Variants in PFKFB3 observed in about 807,000 individuals in gnomAD.
PFKFB3 encodes 6-phosphofructo-2-kinase/fructose-2,6-biphosphatase 3, also known as 6-phosphofructo-2-kinase/fructose-2,6-bisphosphatase 3.
A neutral mutation model predicts 68.0 loss-of-function variants in PFKFB3; 33 were observed. That is an observed-to-expected ratio of 0.49 (90% CI 0.37 to 0.65). The LOEUF is 0.65. Among genes scored for constraint, PFKFB3 ranks in the 30% least tolerant of loss-of-function variants. PFKFB3 has a pLI of 0.00. For missense variants in PFKFB3, 586 were observed against 712.2 expected, an observed-to-expected ratio of 0.82 and a Z score of 2.02; for synonymous variants, 315 against 288.2, an observed-to-expected ratio of 1.09 and a Z score of -0.94.
chr10:6,190,719 G>C (rs1843000193), intron 1 of PFKFB3, among the ~76,000 whole-genome samples: 1 of 152,158 alleles, frequency 6.6e-6, no homozygotes. Flanking sequence ...TGTGTTTCTT[G>C]ATATATCCAC....
chr10:6,254,100 T>C (rs1846446146), intron 14 of PFKFB3: 1 of 31,396 alleles, frequency 3.2e-5, no homozygotes, highest in Admixed American at 7.4e-4. Flanking sequence ...CAGATGGCTT[T>C]TTTTTTTTTT....
At chr10:6,163,384 ACC>A (rs1299957962) in intron 1 of PFKFB3, among the ~76,000 whole-genome samples, 1 of 152,068 alleles carries the variant, frequency 6.6e-6, no homozygotes, top group Non-Finnish European at 1.5e-5. Flanking sequence ...TTTTAAGGTA[ACC>A]CCCCACAACC....
At chr10:6,178,947 C>G (rs548704552) in intron 1 of PFKFB3, among the ~76,000 whole-genome samples, 1 of 152,216 alleles carries the variant, frequency 6.6e-6, no homozygotes, top group East Asian at 1.9e-4. Context: ...CTCCCCAGCA[C>G]GGGGTCCTCC....
At chr10:6,216,838 G>C in intron 5 of PFKFB3, 58 bp downstream of exon 5, 1 of 1,240,068 alleles carries the variant, frequency 8.1e-7, no homozygotes, top group Non-Finnish European at 1.2e-6. Flanking sequence ...AAGGCTTCAG[G>C]AAGCGGCCTG....
At chr10:6,239,900 C>T (rs1846102019), downstream of PFKFB3, among the ~76,000 whole-genome samples, 1 of 152,118 alleles carries the variant, frequency 6.6e-6, no homozygotes, top group South Asian at 2.1e-4. Context: ...TCTCGAACTC[C>T]TGGACTCAAG....
downstream of PFKFB3, among the ~76,000 whole-genome samples, chr10:6,238,409 C>T (rs1846067809): frequency 6.7e-6 from 1 of 149,086 alleles, no homozygotes; most frequent in South Asian, 2.1e-4. Context: ...GGGTGATCTA[C>T]CTGCCTTGGC....
the PFKFB3 span, among the ~76,000 whole-genome samples, chr10:6,280,134 C>T: frequency 6.6e-6 from 1 of 152,226 alleles, no homozygotes; most frequent in Admixed American, 6.5e-5. Context: ...GAGACATTCT[C>T]TTCATCAATC....
At position 6,232,881 on chromosome 10, in the gene PFKFB3, TC is replaced by T. The variant is rs1564222112; in HGVS notation, c.1516-13del. The T allele has an allele frequency of 5.0e-6, 8 of 1,610,752 alleles. No homozygotes were observed. Among genetic ancestry groups the T allele is most frequent in the Non-Finnish European group, 6.8e-6 (8 of 1,177,744 alleles). On this transcript the variant is annotated splice_polypyrimidine_tract_variant and intron_variant, in intron 14 of 14. Transcript: ENST00000379775. ...CCTAACTCCCTCCCCACCTCTCTTTTCTCCTGAAAACAGAACATGAAAGGCT... is the reference window on the plus strand; with the variant it reads ...CCTAACTCCCTCCCCACCTCTCTTTTTCCTGAAAACAGAACATGAAAGGCT...
At chr10:6,225,153 G>A (rs750872079) in intron 13 of PFKFB3, 13 of 456,306 alleles carry the variant, frequency 2.8e-5, no homozygotes, top group Middle Eastern at 3.3e-4. Flanking sequence ...TGAATTCACC[G>A]TGTACAGGCT....
intron 1 of PFKFB3, among the ~76,000 whole-genome samples, chr10:6,162,747 C>T (rs528814537): frequency 1.2e-3 from 179 of 152,262 alleles, no homozygotes; most frequent in African/African-American, 3.8e-3. Context: ...CTTGACACGC[C>T]CCCTTCAGCT....
chr10:6,225,606 A>T (rs796862965), intron 13 of PFKFB3, among the ~76,000 whole-genome samples: 7 of 152,294 alleles, frequency 4.6e-5, no homozygotes, highest in African/African-American at 1.7e-4. Flanking sequence ...CTCTCATGGG[A>T]GGGCTGTGTC....
chr10:6,233,665 C>G lies in PFKFB3; in HGVS notation c.*723C>G, dbSNP rs891965639. On this transcript the variant is annotated 3_prime_UTR_variant, in exon 15 of 15. Transcript: ENST00000379775. ...GAAATATGAGAACTGGGGCCTCCTG[C>G]TCCCAGGGAGCTCCAGGGCCCCTCT... The G allele has an allele frequency of 6.5e-6, 1 of 152,866 alleles. No individual in the cohort carries two copies. The highest frequency in any genetic ancestry group is 2.1e-4 in the South Asian group (1 of 4,840). The allele number at this position is 152,866 out of a possible 1,614,324, so 9.5% of individuals were successfully genotyped here.
In PFKFB3 at chr10:6,213,741, C is replaced by T; in HGVS notation, c.195C>T (p.Pro65=). ...LTRYLNWIGV[P]TKVFNVGEYR... is the part of the protein sequence containing the mutation. ...GCTACCTCAACTGGATTGGCGTCCC[C>T]ACAAAAGGTGAGACTGGGTCTCGAG... is the stretch of plus-strand genomic sequence containing the variant. Residue 65 remains proline, a synonymous_variant, in exon 2 of 15, where the codon CCC becomes CCT. Transcript: ENST00000379775. 1 of 1,612,372 alleles carries T rather than the reference C, an allele frequency of 6.2e-7. No individual in the cohort carries two copies. Among genetic ancestry groups the T allele is most frequent in the Non-Finnish European group, 8.5e-7 (1 of 1,179,322 alleles).
chr10:6,204,549 C>A (rs1408838871), intron 1 of PFKFB3, among the ~76,000 whole-genome samples: 1 of 152,246 alleles, frequency 6.6e-6, no homozygotes, highest in Non-Finnish European at 1.5e-5. Flanking sequence ...TGGGTGGGGA[C>A]GTCAGCAGAT....
At position 6,177,372 on chromosome 10, in the gene PFKFB3, C is replaced by CTT. The variant is rs886351542; in HGVS notation, c.16+32361_16+32362dup. Among the ~76,000 whole-genome samples, 9 of 106,282 alleles carry CTT rather than the reference C, an allele frequency of 8.5e-5. No homozygotes were observed. In the East Asian group the frequency reaches 1.6e-3, roughly 19 times the overall value. The allele number at this position is 106,282 out of a possible 152,430, so 69.7% of individuals were successfully genotyped here. On this transcript the variant is annotated intron_variant, in intron 1 of 14. Transcript: ENST00000379789. ...TTCTTTTCTCTTTCTTTCTTTCTTT[C>CTT]TTTCTTTCTTTCTTTCTTTCTTTCT...
intron 1 of PFKFB3, among the ~76,000 whole-genome samples, chr10:6,177,974 C>G (rs991652363): frequency 1.3e-5 from 2 of 152,108 alleles, no homozygotes; most frequent in African/African-American, 4.8e-5. Context: ...ACCTGAGGTG[C>G]ACACGTGAGG....
At chr10:6,180,538 C>G (rs1490990415) in intron 1 of PFKFB3, among the ~76,000 whole-genome samples, 2 of 152,190 alleles carry the variant, frequency 1.3e-5, no homozygotes, top group African/African-American at 4.8e-5. Flanking sequence ...AGCCGTGGCT[C>G]ACTGCAGCCT....
chr10:6,292,309 G>A, the PFKFB3 span, among the ~76,000 whole-genome samples: 1 of 98,456 alleles, frequency 1.0e-5, no homozygotes, highest in African/African-American at 4.1e-5. Context: ...TTTTGAGACA[G>A]AGTCTCACTC....
At chr10:6,201,829 G>T (rs1039640780), upstream of PFKFB3, among the ~76,000 whole-genome samples, 1 of 152,206 alleles carries the variant, frequency 6.6e-6, no homozygotes, top group Non-Finnish European at 1.5e-5. This position sits in a 1 kb window ranked among gnomAD's most constrained non-coding sequence, Gnocchi z 4.1. Flanking sequence ...CGCGGGCGGC[G>T]GTTCCCCACC....
Sources: gnomAD v4.1 joint callset for allele counts (sites outside exome capture counted in the v4.1 genomes callset) on GRCh38, gnomAD v4.1.1 for gene constraint, Gnocchi (gnomAD v3.1) non-coding constraint, MANE v1.5 for transcripts, NCBI Gene and HGNC (gene_info 2026-07-23, HGNC 2026-07-21) for gene names.